CMYA5: variants seen among roughly 807,000 people sequenced by gnomAD.
The protein encoded by CMYA5 is cardiomyopathy associated 5.
Under a neutral mutation model 318.9 loss-of-function variants are expected in CMYA5, and 246 were observed. The observed-to-expected ratio is 0.77, with a 90% confidence interval of 0.70 to 0.86. CMYA5 has a LOEUF of 0.86. CMYA5 is among the 40% of genes least tolerant of loss of function. CMYA5 has a pLI of 0.00. For synonymous variants in CMYA5, 1,641 were observed against 1,729.5 expected (o/e 0.95, Z 1.27); for missense variants, 4,589 against 4,678.2 (o/e 0.98, Z 0.56).
intron 1 of CMYA5, among the ~76,000 whole-genome samples, chr5:79,695,945 T>C (rs1490118474): frequency 1.3e-5 from 2 of 152,240 alleles, no homozygotes; most frequent in African/African-American, 4.8e-5. Flanking sequence ...TTTCTTGTTA[T>C]TATCCAGAAT....
intron 1 of CMYA5, among the ~76,000 whole-genome samples, chr5:79,698,764 AC>A (rs1326055565): frequency 2.6e-5 from 4 of 152,170 alleles, no homozygotes; most frequent in Non-Finnish European, 5.9e-5. Flanking sequence ...TATTATTGAC[AC>A]CACCAGAATG....
chr5:79,725,175 T>C (rs1237557370), intron 1 of CMYA5, among the ~76,000 whole-genome samples: 7 of 152,218 alleles, frequency 4.6e-5, no homozygotes. Context: ...CTTATGTTCA[T>C]TGCAGCACTT....
intron 5 of CMYA5, among the ~76,000 whole-genome samples, chr5:79,751,853 G>A (rs556944061): frequency 6.6e-6 from 1 of 152,344 alleles, no homozygotes; most frequent in East Asian, 1.9e-4. Context: ...TACTCTCTGA[G>A]GAGCTGACAT....
intron 1 of CMYA5, among the ~76,000 whole-genome samples, chr5:79,720,894 A>C (rs1164014076): frequency 6.6e-6 from 1 of 152,232 alleles, no homozygotes; most frequent in Non-Finnish European, 1.5e-5. Context: ...TCTTAGAGAT[A>C]CAGGAAGGAA....
At position 79,770,260 on chromosome 5, in the gene CMYA5, G is replaced by T. The variant is rs572357244; in HGVS notation, c.11555+7051G>T. On this transcript the variant is annotated intron_variant, in intron 9 of 12. Transcript: ENST00000446378. ...GGGCTCCTTGGGGGTGGGATCCACT[G>T]AGCTAGACCACTTGGCTCCCTGGCT... is the stretch of plus-strand genomic sequence containing the variant. Among the ~76,000 whole-genome samples the T allele has an allele frequency of 3.2e-3, 480 of 152,312 alleles. 1 individual carries two copies. Among genetic ancestry groups the T allele is most frequent in the African/African-American group, 0.011 (457 of 41,560 alleles).
chr5:79,792,218 C>T (rs543842601), intron 11 of CMYA5, among the ~76,000 whole-genome samples: 2 of 152,320 alleles, frequency 1.3e-5, no homozygotes, highest in African/African-American at 4.8e-5. Flanking sequence ...ACTTACTCAT[C>T]ATCATCTTCA....
Position 79,731,376 on chromosome 5 carries a change from C to T in CMYA5, c.2611C>T (p.Pro871Ser). 6.2e-7 allele frequency: 1 copy of T among 1,613,910 alleles called. No homozygotes were observed. The highest frequency in any genetic ancestry group is 8.5e-7 in the Non-Finnish European group (1 of 1,179,884). Reference sequence around the variant, plus strand: ...GATGACTTCTGAATGCCAGGCCCCACCACTTTCAGCCACCCCATCTGAATA... The same window carrying T: ...GATGACTTCTGAATGCCAGGCCCCATCACTTTCAGCCACCCCATCTGAATA... ...TEMTSECQAP[P>S]LSATPSEYVV... Residue 871 changes from proline to serine, a missense_variant, in exon 2 of 13, where the codon CCA (proline) becomes TCA (serine). Transcript: ENST00000446378.
rs766126902 is a variant in CMYA5, at chr5:79,735,623, G to T, written c.6858G>T (p.Arg2286Ser). Residue 2286 changes from arginine to serine, a missense_variant, in exon 2 of 13, where the codon AGG (arginine) becomes AGT (serine). Transcript: ENST00000446378. ...CAAAATTCATTTCTGAGGTGTCTAG[G>T]GAAGATTATGGAAAAAAAGAAATCT... ...QQPKFISEVS[R>S]EDYGKKEISG... The T allele has an allele frequency of 6.2e-6, 10 of 1,613,320 alleles. No individual in the cohort carries two copies. Among genetic ancestry groups the T allele is most frequent in the Non-Finnish European group, 7.6e-6 (9 of 1,179,724 alleles).
intron 1 of CMYA5, among the ~76,000 whole-genome samples, chr5:79,715,350 C>T (rs182118475): frequency 3.4e-4 from 52 of 151,790 alleles, no homozygotes; most frequent in African/African-American, 1.2e-3. Flanking sequence ...AGCAGTGGTG[C>T]GATCTCAGCT....
intron 5 of CMYA5, among the ~76,000 whole-genome samples, chr5:79,749,934 C>G (rs1828399570): frequency 5.9e-5 from 9 of 152,114 alleles, no homozygotes; most frequent in Non-Finnish European, 1.5e-5. Flanking sequence ...TCACGCTAAT[C>G]ATCTCCCTGT....
rs964266805 is a variant in CMYA5, at chr5:79,715,595, CTTA to C, written c.150-13313_150-13311del. Among the ~76,000 whole-genome samples, 34 of 152,126 alleles carry C rather than the reference CTTA, an allele frequency of 2.2e-4. 1 individual carries two copies. Among genetic ancestry groups the C allele is most frequent in the African/African-American group, 7.2e-4 (30 of 41,506 alleles). On this transcript the variant is annotated intron_variant, in intron 1 of 12. Coordinates refer to ENST00000446378, the MANE Select transcript of CMYA5 (RefSeq NM_153610.5). ...AGCCACCGTGCCCAGCCAACTATAG[CTTA>C]TTATTACTGTCTCTGGAAACTAGAC...
At chr5:79,712,180 G>C (rs1827405183) in intron 1 of CMYA5, among the ~76,000 whole-genome samples, 1 of 152,154 alleles carries the variant, frequency 6.6e-6, no homozygotes, top group African/African-American at 2.4e-5. Context: ...GCATCTGCTG[G>C]AGTGAGACAT....
chr5:79,795,381 C>T (rs1161015031), intron 12 of CMYA5, among the ~76,000 whole-genome samples: 1 of 152,186 alleles, frequency 6.6e-6, no homozygotes, highest in Non-Finnish European at 1.5e-5. Context: ...ATTCTACTCA[C>T]AGAATCTAGG....
rs1561205258 is a variant in CMYA5, at chr5:79,729,422, A to G, written c.657A>G (p.Pro219=). 7 of 1,613,670 alleles carry G rather than the reference A, an allele frequency of 4.3e-6. No homozygotes were observed. The highest frequency in any genetic ancestry group is 5.9e-6 in the Non-Finnish European group (7 of 1,179,716). The stretch of plus-strand genomic sequence containing the variant: ...AACACAAGCCATTAGTGTTAAGACC[A>G]GTCTACATAGGAACAGTACAATATA... The part of the protein sequence containing the change: ...YKEHKPLVLR[P]VYIGTVQYKI... The change falls in exon 2 of 13, where the codon CCA becomes CCG. Residue 219 remains proline (P), a synonymous_variant. Coordinates refer to ENST00000446378, the MANE Select transcript of CMYA5 (RefSeq NM_153610.5).
rs543628434 is a variant in CMYA5, at chr5:79,799,797, G to C, written c.*181G>C. 9.7e-6 allele frequency: 6 copies of C among 620,568 alleles called. No individual in the cohort carries two copies. The African/African-American group carries it at 1.1e-4, about 11-fold the overall frequency. 38.4% of individuals were successfully genotyped at this position (620,568 alleles called of 1,614,324 possible). On this transcript the variant is annotated 3_prime_UTR_variant, in exon 13 of 13. Coordinates refer to ENST00000446378, the MANE Select transcript of CMYA5 (RefSeq NM_153610.5). The stretch of plus-strand genomic sequence containing the variant: ...AAGAAAACCTTGACTTTACAGAGCA[G>C]TGTGTGAGTAAACAGAATGAAAACA...
At chr5:79,740,005 TAAATA>T (rs1828179657) in intron 2 of CMYA5, among the ~76,000 whole-genome samples, 2 of 151,660 alleles carry the variant, frequency 1.3e-5, no homozygotes, top group African/African-American at 4.8e-5. Flanking sequence ...AAATAAAAAA[TAAATA>T]AAAATAACAG....
At chr5:79,798,679 C>T (rs1331970017) in intron 12 of CMYA5, among the ~76,000 whole-genome samples, 1 of 151,944 alleles carries the variant, frequency 6.6e-6, no homozygotes, top group African/African-American at 2.4e-5. Context: ...GACAGCACTT[C>T]ATGTCCTTCA....
chr5:79,796,948 T>C (rs1829287781), intron 12 of CMYA5, among the ~76,000 whole-genome samples: 2 of 152,222 alleles, frequency 1.3e-5, no homozygotes, highest in Non-Finnish European at 2.9e-5. Context: ...AAAATATATA[T>C]GAAAAGTGTG....
chr5:79,698,186 T>C (rs1000195385), intron 1 of CMYA5, among the ~76,000 whole-genome samples: 1 of 152,172 alleles, frequency 6.6e-6, no homozygotes, highest in Non-Finnish European at 1.5e-5. Flanking sequence ...GAGAAGAGAT[T>C]GAGACAACTG....
Sources: allele counts gnomAD v4.1 joint callset (sites outside exome capture counted in the v4.1 genomes callset), GRCh38; gene constraint gnomAD v4.1.1; transcripts MANE v1.5; gene names NCBI Gene and HGNC (gene_info 2026-07-23, HGNC 2026-07-21).